The following TNIK variants were observed in gnomAD, a reference collection of about 807,000 sequenced individuals.
TNIK encodes TRAF2 and NCK-interacting protein kinase.
A neutral mutation model predicts 191.3 loss-of-function variants in TNIK; 49 were observed. The observed-to-expected ratio is 0.26, with a 90% CI of 0.20 to 0.32. The LOEUF (loss-of-function observed/expected upper bound fraction) is 0.32. TNIK is among the 10% of genes least tolerant of loss of function. The pLI, the probability that TNIK is intolerant of heterozygous loss-of-function variation, is 1.00. For missense variants in TNIK, 1,155 were observed against 1,702.3 expected, an observed-to-expected ratio of 0.68 and a Z score of 5.66; for synonymous variants, 594 against 600.9, an observed-to-expected ratio of 0.99 and a Z score of 0.17.
chr3:171,357,414 G>A (rs916555532), intron 2 of TNIK, among the ~76,000 whole-genome samples: 71 of 151,500 alleles, frequency 4.7e-4, no homozygotes, highest in African/African-American at 1.7e-3. Flanking sequence ...TCAGCCTCCC[G>A]AGTAGCTGGG....
rs1228948036 is a variant in TNIK, at chr3:171,146,859, G to T, written c.1222-6350C>A. 5.6e-5 allele frequency among the ~76,000 whole-genome samples: 8 copies of T among 142,138 alleles called. No homozygotes were observed. The Admixed American group carries it at 5.8e-4, about 10-fold the overall frequency. 93.2% of individuals were successfully genotyped at this position (142,138 alleles called of 152,430 possible). ...GAGCTGAGATCGTGCCACTGTACGA[G>T]ATTGTGCCTGGGTGACAGAGTGAGA... is the stretch of plus-strand genomic sequence containing the variant. On this transcript the variant is annotated intron_variant, in intron 12 of 32. Coordinates refer to ENST00000436636, the MANE Select transcript of TNIK (RefSeq NM_015028.4).
chr3:171,439,196 T>C (rs1396644482), intron 1 of TNIK, among the ~76,000 whole-genome samples: 1 of 151,838 alleles, frequency 6.6e-6, no homozygotes, highest in East Asian at 1.9e-4. Flanking sequence ...TTCAAAAAAT[T>C]AGCTGGGCAT....
intron 2 of TNIK, among the ~76,000 whole-genome samples, chr3:171,244,483 A>G (rs1312375487): frequency 6.7e-6 from 1 of 148,814 alleles, no homozygotes; most frequent in Non-Finnish European, 1.5e-5. Context: ...ATTCTGGGGG[A>G]AAAAACCACT....
intron 10 of TNIK, among the ~76,000 whole-genome samples, chr3:171,166,065 AGGGTAGGGGAGTGCT>A (rs1220597707): frequency 2.6e-5 from 4 of 152,228 alleles, no homozygotes; most frequent in Admixed American, 2.6e-4. Context: ...AGAGAGGCAC[AGGGTAGGGGAGTGCT>A]GGTGAGAGAT....
At chr3:171,331,630 C>G (rs1756428929) in intron 2 of TNIK, among the ~76,000 whole-genome samples, 1 of 152,126 alleles carries the variant, frequency 6.6e-6, no homozygotes, top group Non-Finnish European at 1.5e-5. Flanking sequence ...GCATCAAATC[C>G]AAAAGCAAGC....
intron 1 of TNIK, among the ~76,000 whole-genome samples, chr3:171,423,057 G>A (rs1037874958): frequency 5.3e-5 from 8 of 152,152 alleles, no homozygotes; most frequent in South Asian, 2.1e-4. Flanking sequence ...GTGTCAACAT[G>A]TGCATAGGTA....
At chr3:171,167,358 T>G in intron 9 of TNIK, 88 bp from the exon 10 acceptor site, 1 of 1,502,690 alleles carries the variant, frequency 6.7e-7, no homozygotes, top group Non-Finnish European at 8.9e-7. Flanking sequence ...GGACTTTTTC[T>G]TTTTTTAAGG....
chr3:171,090,296 G>A (rs556278155), intron 23 of TNIK, among the ~76,000 whole-genome samples: 1 of 152,250 alleles, frequency 6.6e-6, no homozygotes, highest in South Asian at 2.1e-4. Context: ...GTCCTTCAAA[G>A]AGGCTCAGCT....
At chr3:171,213,263 T>TG (rs1237015782) in intron 3 of TNIK, among the ~76,000 whole-genome samples, 1 of 152,040 alleles carries the variant, frequency 6.6e-6, no homozygotes, top group Non-Finnish European at 1.5e-5. Context: ...GAATGTAGGA[T>TG]GTGAGCGGAT....
chr3:171,136,487 T>C (rs1304447695), intron 15 of TNIK, among the ~76,000 whole-genome samples: 1 of 152,198 alleles, frequency 6.6e-6, no homozygotes, highest in East Asian at 1.9e-4. Flanking sequence ...GATCTCACTA[T>C]GGTCCTCAAG....
rs377732016 is a variant in TNIK, at chr3:171,068,953, C to T, written c.3594G>A (p.Thr1198=). ...LQHKPLLVDL[T]VEEGQRLKVI... ...CCTTTAATCTTTGACCTTCTTCTACCGTGAGATCAACTAGCAGAGGCTTGT... is the reference window on the plus strand; with the variant it reads ...CCTTTAATCTTTGACCTTCTTCTACTGTGAGATCAACTAGCAGAGGCTTGT... Residue 1198 remains threonine (T), a synonymous_variant, in exon 30 of 33, where the codon ACG becomes ACA. Coordinates refer to ENST00000436636, the MANE Select transcript of TNIK (RefSeq NM_015028.4). The T allele has an allele frequency of 5.6e-5, 90 of 1,613,552 alleles. No individual in the cohort carries two copies. The highest frequency in any genetic ancestry group is 6.1e-5 in the Non-Finnish European group (72 of 1,179,768).
intron 1 of TNIK, among the ~76,000 whole-genome samples, chr3:171,396,567 A>G (rs1374720368): frequency 2.0e-5 from 3 of 152,224 alleles, no homozygotes; most frequent in African/African-American, 7.2e-5. Context: ...GCAGAAAGCT[A>G]AAAGTATGTC....
chr3:171,429,743 G>A (rs141975010), intron 1 of TNIK, among the ~76,000 whole-genome samples: 1 of 152,220 alleles, frequency 6.6e-6, no homozygotes, highest in East Asian at 1.9e-4. Flanking sequence ...CTCTCTGGTT[G>A]TTCTCTCCTC....
chr3:171,426,435 T>C (rs1724619298), intron 1 of TNIK, among the ~76,000 whole-genome samples: 1 of 146,834 alleles, frequency 6.8e-6, no homozygotes, highest in African/African-American at 2.5e-5. Flanking sequence ...GGGATAGCAT[T>C]AGGAGATATA....
intron 21 of TNIK, among the ~76,000 whole-genome samples, chr3:171,103,832 TTTCAAAACGAGA>T (rs1724025558): frequency 6.6e-6 from 1 of 152,126 alleles, no homozygotes; most frequent in Non-Finnish European, 1.5e-5. Context: ...TTCTCTGACA[TTTCAAAACGAGA>T]CAAAAGAAAT....
chr3:171,112,261 C>T (rs1020271735), intron 18 of TNIK, among the ~76,000 whole-genome samples: 3 of 152,108 alleles, frequency 2.0e-5, no homozygotes, highest in Non-Finnish European at 2.9e-5. Context: ...AGCATAGTCC[C>T]GTCCCCAGTG....
chr3:171,333,337 C>A (rs1325216441), intron 2 of TNIK, among the ~76,000 whole-genome samples: 1 of 151,930 alleles, frequency 6.6e-6, no homozygotes, highest in Non-Finnish European at 1.5e-5. Flanking sequence ...GGGCAGATCA[C>A]CTGAGGTTAG....
At chr3:171,335,859 G>A (rs1298767877) in intron 2 of TNIK, among the ~76,000 whole-genome samples, 2 of 152,072 alleles carry the variant, frequency 1.3e-5, no homozygotes, top group African/African-American at 4.8e-5. Flanking sequence ...TTCTAAAGTG[G>A]CACTTTAGAA....
chr3:171,287,966 C>T lies in TNIK; in HGVS notation c.124-59745G>A, dbSNP rs180680418. Reference sequence around the variant, plus strand: ...GGATCAAGAAAATGTGGCACATATACGCCATGGAATACTATGCAGCCATAA... The same window carrying T: ...GGATCAAGAAAATGTGGCACATATATGCCATGGAATACTATGCAGCCATAA... On this transcript the variant is annotated intron_variant, in intron 2 of 32. Transcript: ENST00000436636. Among the ~76,000 whole-genome samples, 46 of 150,814 alleles carry T rather than the reference C, an allele frequency of 3.1e-4. No individual in the cohort carries two copies. In the South Asian group the frequency reaches 4.4e-3, roughly 14 times the overall value.
Sources: allele counts gnomAD v4.1 joint callset (sites outside exome capture counted in the v4.1 genomes callset), GRCh38; gene constraint gnomAD v4.1.1; transcripts MANE v1.5; gene names NCBI Gene and HGNC (gene_info 2026-07-23, HGNC 2026-07-21).